The following SLC30A9 variants were observed in gnomAD, a reference collection of about 807,000 sequenced individuals.
SLC30A9 encodes the protein proton-coupled zinc antiporter SLC30A9, mitochondrial.
In SLC30A9, 58 loss-of-function variants were observed where a neutral mutation model predicts 87.5. That is an observed-to-expected ratio of 0.66 (90% CI 0.54 to 0.82). SLC30A9 has a LOEUF of 0.82. Among genes scored for constraint, SLC30A9 ranks in the 40% least tolerant of loss-of-function variants. The probability of loss-of-function intolerance (pLI) is 0.00; values close to 1 mark genes in which losing one functional copy is unlikely to be tolerated. For synonymous variants in SLC30A9, 234 were observed against 233.0 expected (o/e 1.00, Z -0.04); for missense variants, 557 against 679.1 (o/e 0.82, Z 2.00).
intron 1 of SLC30A9, among the ~76,000 whole-genome samples, chr4:41,995,795 G>C (rs1400169478): frequency 6.6e-6 from 1 of 152,218 alleles, no homozygotes; most frequent in Non-Finnish European, 1.5e-5. Context: ...CCGCAGCCTT[G>C]ACTTCCTGGG....
At chr4:42,053,885 A>T (rs1658746003) in intron 9 of SLC30A9, among the ~76,000 whole-genome samples, 1 of 152,114 alleles carries the variant, frequency 6.6e-6, no homozygotes, top group Non-Finnish European at 1.5e-5. Context: ...GGCAACATAG[A>T]TGTATCTCCA....
At chr4:42,077,576 C>G (rs1451464919) in intron 16 of SLC30A9, among the ~76,000 whole-genome samples, 1 of 151,798 alleles carries the variant, frequency 6.6e-6, no homozygotes, top group Non-Finnish European at 1.5e-5. Context: ...GTTAATTTTT[C>G]TATTTTTAGT....
At chr4:42,075,989 G>A (rs1718532253) in intron 16 of SLC30A9, among the ~76,000 whole-genome samples, 1 of 152,042 alleles carries the variant, frequency 6.6e-6, no homozygotes, top group African/African-American at 2.4e-5. Context: ...TTTCATGCTT[G>A]CTATGTGCAT....
intron 8 of SLC30A9, among the ~76,000 whole-genome samples, chr4:42,042,572 C>T (rs775848167): frequency 1.6e-4 from 25 of 152,164 alleles, no homozygotes; most frequent in African/African-American, 5.6e-4. Context: ...CCAGCAGTCC[C>T]GGTCAGGGGC....
intron 1 of SLC30A9, among the ~76,000 whole-genome samples, chr4:41,993,748 A>T (rs1714562967): frequency 6.6e-6 from 1 of 152,232 alleles, no homozygotes; most frequent in South Asian, 2.1e-4. Flanking sequence ...AAATGTTTGC[A>T]GAAGTTTATT....
Position 42,020,527 on chromosome 4 carries a change from A to T in SLC30A9, c.434+12A>T, listed in dbSNP as rs561161590. On this transcript the variant is annotated intron_variant, in intron 4 of 17. Coordinates refer to ENST00000264451, the MANE Select transcript of SLC30A9 (RefSeq NM_006345.4). ...TGCCTCAAATCCAGGTAATTTTTTT[A>T]AAAAATGTAGCCGTGTGTCATATCT... 1.3e-5 allele frequency: 19 copies of T among 1,436,936 alleles called. No homozygotes were observed. Among genetic ancestry groups the T allele is most frequent in the South Asian group, 7.0e-5 (6 of 85,788 alleles). 89.0% of individuals were successfully genotyped at this position (1,436,936 alleles called of 1,614,324 possible). A position where few individuals can be genotyped will look rare whatever the true frequency, so the allele number is the denominator to read the frequency against.
At chr4:42,076,294 G>T (rs1046797158) in intron 16 of SLC30A9, among the ~76,000 whole-genome samples, 3 of 151,930 alleles carry the variant, frequency 2.0e-5, no homozygotes, top group African/African-American at 7.3e-5. Context: ...ATTTGCTTAA[G>T]GTCTTAAAAA....
intron 8 of SLC30A9, among the ~76,000 whole-genome samples, chr4:42,047,676 C>T (rs1483436170): frequency 6.6e-6 from 1 of 152,212 alleles, no homozygotes; most frequent in Non-Finnish European, 1.5e-5. Flanking sequence ...TGTGGCGATT[C>T]CTCCAGGATC....
intron 2 of SLC30A9, among the ~76,000 whole-genome samples, chr4:42,005,961 G>A (rs1473177395): frequency 6.6e-6 from 1 of 152,178 alleles, no homozygotes; most frequent in Non-Finnish European, 1.5e-5. Flanking sequence ...CAGCATCTGT[G>A]GATTCAACCA....
At chr4:42,062,594 A>G (rs193038356) in intron 10 of SLC30A9, among the ~76,000 whole-genome samples, 3 of 152,352 alleles carry the variant, frequency 2.0e-5, no homozygotes, top group Non-Finnish European at 4.4e-5. Context: ...GGCTGCACAC[A>G]AAGATGAAAA....
intron 2 of SLC30A9, among the ~76,000 whole-genome samples, chr4:42,006,906 T>C (rs1577680842): frequency 6.6e-6 from 1 of 152,162 alleles, no homozygotes; most frequent in African/African-American, 2.4e-5. Flanking sequence ...TTCTCAGCCA[T>C]GTTCTGAGAA....
intron 8 of SLC30A9, among the ~76,000 whole-genome samples, chr4:42,044,386 C>CAAAAAAAAAAAAAAAAAAAA (rs57572080): frequency 6.1e-5 from 6 of 98,712 alleles, no homozygotes; most frequent in African/African-American, 2.6e-4. Context: ...AAATGGAAAG[C>CAAAAAAAAAAAAAAAAAAAA]AAAAAAAAAA....
intron 6 of SLC30A9, among the ~76,000 whole-genome samples, chr4:42,026,683 G>T (rs1487807260): frequency 6.8e-6 from 1 of 147,760 alleles, no homozygotes; most frequent in African/African-American, 2.5e-5. Flanking sequence ...ATTTTGCCTT[G>T]TATGGCTGTT....
At chr4:42,001,812 T>G (rs1714998282) in intron 2 of SLC30A9, 32 bp downstream of exon 2, 1 of 1,500,454 alleles carries the variant, frequency 6.7e-7, no homozygotes, top group Non-Finnish European at 9.2e-7. Context: ...TACTTTTTTC[T>G]GTATACTGGA....
chr4:42,045,943 AAATGT>A (rs1717132965), intron 8 of SLC30A9, among the ~76,000 whole-genome samples: 1 of 152,218 alleles, frequency 6.6e-6, no homozygotes, highest in South Asian at 2.1e-4. Context: ...GCAAAATAAT[AAATGT>A]AATCCATTAA....
intron 6 of SLC30A9, among the ~76,000 whole-genome samples, chr4:42,031,569 CCTAT>C (rs1464526584): frequency 6.6e-6 from 1 of 152,110 alleles, no homozygotes; most frequent in Non-Finnish European, 1.5e-5. Context: ...TTTGGCAGTA[CCTAT>C]CTATAAGATT....
At chr4:42,011,509 C>T (rs1200272765) in intron 2 of SLC30A9, among the ~76,000 whole-genome samples, 3 of 152,102 alleles carry the variant, frequency 2.0e-5, no homozygotes, top group Admixed American at 6.6e-5. Flanking sequence ...TGAGATCAAA[C>T]TGGCAATATG....
At position 42,071,568 on chromosome 4, in the gene SLC30A9, C is replaced by T. The variant is rs549305380; in HGVS notation, c.1418+877C>T. Reference sequence around the variant, plus strand: ...GTTCCAGCTACTTGGGAAGCTGAGGCAGGAGGATCACTTGAGGCCACGAGT... The same window carrying T: ...GTTCCAGCTACTTGGGAAGCTGAGGTAGGAGGATCACTTGAGGCCACGAGT... On this transcript the variant is annotated intron_variant, in intron 15 of 17. Coordinates refer to ENST00000264451, the MANE Select transcript of SLC30A9 (RefSeq NM_006345.4). 2.6e-5 allele frequency among the ~76,000 whole-genome samples: 4 copies of T among 151,192 alleles called. No homozygotes were observed. In the East Asian group the frequency reaches 5.8e-4, roughly 22 times the overall value.
intron 7 of SLC30A9, among the ~76,000 whole-genome samples, chr4:42,035,728 TCAG>T (rs1421003105): frequency 6.6e-6 from 1 of 151,858 alleles, no homozygotes; most frequent in Non-Finnish European, 1.5e-5. Context: ...ACTCCTGACC[TCAG>T]GTGATGCGCC....
Sources: gnomAD v4.1 joint callset for allele counts (sites outside exome capture counted in the v4.1 genomes callset) on GRCh38, gnomAD v4.1.1 for gene constraint, MANE v1.5 for transcripts, NCBI Gene and HGNC (gene_info 2026-07-23, HGNC 2026-07-21) for gene names.